Variants in GRAMD4 observed in about 807,000 individuals in gnomAD.
GRAMD4 encodes GRAM domain-containing protein 4.
Under a neutral mutation model 83.9 loss-of-function variants are expected in GRAMD4, and 25 were observed. That is an observed-to-expected ratio of 0.30 (90% confidence interval 0.22 to 0.42). The LOEUF is 0.42. Among genes scored for constraint, GRAMD4 ranks in the 10% least tolerant of loss-of-function variants. GRAMD4 has a pLI of 1.00. For synonymous variants in GRAMD4, 336 were observed against 320.9 expected (o/e 1.05, Z -0.50); for missense variants, 593 against 788.7 (o/e 0.75, Z 2.97).
At chr22:46,632,902 G>A (rs1036391377) in intron 2 of GRAMD4, among the ~76,000 whole-genome samples, 6 of 152,212 alleles carry the variant, frequency 3.9e-5, no homozygotes, top group Admixed American at 3.3e-4. Context: ...TGAATTTTCC[G>A]CCTCTGCACT....
chr22:46,677,562 C>T lies in GRAMD4; in HGVS notation c.*311C>T. 1.8e-6 allele frequency: 2 copies of T among 1,131,060 alleles called. No homozygotes were observed. Among genetic ancestry groups the T allele is most frequent in the Non-Finnish European group, 2.2e-6 (2 of 918,364 alleles). 70.1% of individuals were successfully genotyped at this position (1,131,060 alleles called of 1,614,324 possible). ...GACACACAGGACCCCTGGCCCTGCC[C>T]TTCTCCGTTCCAGCCTGGACAGAGA... On this transcript the variant is annotated 3_prime_UTR_variant, in exon 19 of 19. Transcript: ENST00000406902.
intron 14 of GRAMD4, 35 bp downstream of exon 14, chr22:46,673,032 TG>T (rs11350999): frequency 0.37 from 567,042 of 1,514,000 alleles, 111,263 homozygotes; most frequent in Non-Finnish European, 0.4. Context: ...GATGGGGGGA[TG>T]GGGGGCCACG....
In GRAMD4 at chr22:46,591,557, G is replaced by A. The variant is rs532846826; in HGVS notation, c.-50+14267G>A. ...CCCTCATAAAGGCCACCCCCGGGCC[G>A]TGCACGGTGCCTCACGCCTGTAATC... is the stretch of plus-strand genomic sequence containing the variant. On this transcript the variant is annotated intron_variant, in intron 1 of 1. Coordinates refer to the GRAMD4 transcript ENST00000431155. Among the ~76,000 whole-genome samples, 13 of 152,084 alleles carry A rather than the reference G, an allele frequency of 8.5e-5. No individual in the cohort carries two copies. The South Asian group carries it at 1.9e-3, about 22-fold the overall frequency.
intron 1 of GRAMD4, among the ~76,000 whole-genome samples, chr22:46,605,552 T>C (rs1443553375): frequency 1.3e-5 from 2 of 152,258 alleles, no homozygotes; most frequent in Non-Finnish European, 2.9e-5. Flanking sequence ...AGCTGCACCA[T>C]TTTATACCCC....
At chr22:46,624,960 A>G (rs1270347357) in intron 1 of GRAMD4, among the ~76,000 whole-genome samples, 1 of 149,334 alleles carries the variant, frequency 6.7e-6, no homozygotes, top group Admixed American at 6.7e-5. Flanking sequence ...TCCTGGGTTC[A>G]TGCCATTCTC....
At chr22:46,652,628 G>A (rs1188845120) in intron 3 of GRAMD4, among the ~76,000 whole-genome samples, 5 of 152,190 alleles carry the variant, frequency 3.3e-5, no homozygotes, top group Non-Finnish European at 5.9e-5. Flanking sequence ...GGGTGGGGCA[G>A]CCCGGCGTCC....
At chr22:46,598,503 G>A (rs969533260) in intron 1 of GRAMD4, among the ~76,000 whole-genome samples, 6 of 152,068 alleles carry the variant, frequency 3.9e-5, no homozygotes, top group Non-Finnish European at 8.8e-5. Context: ...ACGCCTCTAA[G>A]TTGCTTTCTC....
intron 3 of GRAMD4, among the ~76,000 whole-genome samples, chr22:46,639,019 G>T (rs2081933034): frequency 6.6e-6 from 1 of 152,222 alleles, no homozygotes; most frequent in Non-Finnish European, 1.5e-5. Flanking sequence ...CAGCCTTGTG[G>T]ATTCACCTGG....
At chr22:46,617,002 C>T (rs1403806040), upstream of GRAMD4, among the ~76,000 whole-genome samples, 1 of 101,162 alleles carries the variant, frequency 9.9e-6, no homozygotes, top group Non-Finnish European at 2.2e-5. Context: ...GTGTAGGTTC[C>T]CCTGTGCGTG....
chr22:46,615,379 A>G (rs1601562680), intron 1 of GRAMD4, among the ~76,000 whole-genome samples: 1 of 36,172 alleles, frequency 2.8e-5, no homozygotes, highest in African/African-American at 1.3e-4. Context: ...CCCTGTGTGT[A>G]GGTTCCCCTG....
intron 1 of GRAMD4, among the ~76,000 whole-genome samples, chr22:46,609,112 A>AAAAACAAAAAAAC (rs532946965): frequency 0.071 from 10,760 of 151,192 alleles, 677 homozygotes; most frequent in African/African-American, 0.17. Context: ...CTAAAAAAAA[A>AAAAACAAAAAAAC]AACAACAACA....
At chr22:46,653,911 TAG>T (rs200316409) in intron 3 of GRAMD4, among the ~76,000 whole-genome samples, 336 of 152,258 alleles carry the variant, frequency 2.2e-3, no homozygotes, top group African/African-American at 7.7e-3. Context: ...TCCCACGTGA[TAG>T]AGTCACTGCC....
intron 3 of GRAMD4, among the ~76,000 whole-genome samples, chr22:46,654,119 G>A (rs764471172): frequency 1.4e-5 from 2 of 145,010 alleles, no homozygotes; most frequent in Admixed American, 6.8e-5. Context: ...CAGCCACACC[G>A]AAAGAGGGGC....
In GRAMD4 at chr22:46,679,513, T is replaced by C. The variant is rs1356440747; in HGVS notation, c.*2262T>C. The C allele has an allele frequency of 1.0e-6, 1 of 985,356 alleles. No individual in the cohort carries two copies. Among genetic ancestry groups the C allele is most frequent in the Non-Finnish European group, 1.2e-6 (1 of 829,798 alleles). The allele number at this position is 985,356 out of a possible 1,614,324, so 61.0% of individuals were successfully genotyped here. A position where few individuals can be genotyped will look rare whatever the true frequency, so the allele number is the denominator to read the frequency against. The stretch of plus-strand genomic sequence containing the variant: ...GAGAGAAGCTGTAGTTTTTACCAAA[T>C]TGTGTACATCTGGGCAGATGTTTAA... On this transcript the variant is annotated 3_prime_UTR_variant, in exon 19 of 19. Transcript: ENST00000406902.
chr22:46,672,671 G>A lies in GRAMD4; in HGVS notation c.1085-172G>A, dbSNP rs957642906. Among the ~76,000 whole-genome samples the A allele has an allele frequency of 3.9e-5, 6 of 152,010 alleles. No homozygotes were observed. Among genetic ancestry groups the A allele is most frequent in the African/African-American group, 1.5e-4 (6 of 41,372 alleles). On this transcript the variant is annotated intron_variant, in intron 13 of 18. Coordinates refer to ENST00000406902, the MANE Select transcript of GRAMD4 (RefSeq NM_015124.5). The surrounding 1 kb of genome is among the most constrained non-coding windows in gnomAD (Gnocchi z 4.7). ...TGCAGCACGAATGGGCCCCAGGGGA[G>A]CGAGGCTGGGGGTATCCAGGGTGAG...
intron 1 of GRAMD4, among the ~76,000 whole-genome samples, chr22:46,588,252 C>T (rs764085074): frequency 2.6e-5 from 4 of 151,900 alleles, no homozygotes; most frequent in African/African-American, 7.3e-5. Flanking sequence ...GACTGCCCAG[C>T]GTCCCCCACA....
At chr22:46,656,938 C>T (rs1341052379) in intron 3 of GRAMD4, among the ~76,000 whole-genome samples, 1 of 152,218 alleles carries the variant, frequency 6.6e-6, no homozygotes, top group Non-Finnish European at 1.5e-5. Flanking sequence ...CCACCATGGG[C>T]CACAGCCAGC....
rs2081572827 is a variant in GRAMD4 at position 46,621,422 on chromosome 22, G to A, written c.-50+857G>A. Among the ~76,000 whole-genome samples, 1 of 152,218 alleles carries A rather than the reference G, an allele frequency of 6.6e-6. No individual in the cohort carries two copies. Among genetic ancestry groups the A allele is most frequent in the Admixed American group, 6.5e-5 (1 of 15,290 alleles). On this transcript the variant is annotated intron_variant, in intron 1 of 18. Transcript: ENST00000406902. The surrounding 1 kb of genome is among the most constrained non-coding windows in gnomAD (Gnocchi z 5.8). ...GTGGAGCACTCTTCAGTGCAGTGCG[G>A]GGGCTGCCCATGTGGCCGTGGAGGG...
intron 2 of GRAMD4, among the ~76,000 whole-genome samples, chr22:46,629,503 G>T (rs1038745920): frequency 2.6e-5 from 4 of 152,110 alleles, no homozygotes; most frequent in African/African-American, 9.7e-5. Flanking sequence ...CGAGGCCCCC[G>T]GGGTGGGGGG....
Sources: gnomAD v4.1 joint callset for allele counts (sites outside exome capture counted in the v4.1 genomes callset) on GRCh38, gnomAD v4.1.1 for gene constraint, Gnocchi (gnomAD v3.1) non-coding constraint, MANE v1.5 for transcripts, NCBI Gene and HGNC (gene_info 2026-07-23, HGNC 2026-07-21) for gene names.